The following SV2C variants were observed in gnomAD, a reference collection of about 807,000 sequenced individuals.
SV2C encodes solute carrier family 22 member B3.
SV2C carries 49 observed loss-of-function variants against 79.7 expected under a neutral mutation model. The ratio of observed to expected loss-of-function variants is 0.61; its 90% CI spans 0.49 to 0.78. The LOEUF (loss-of-function observed/expected upper bound fraction) is 0.78. SV2C is among the 30% of genes least tolerant of loss of function. The pLI is 0.00. For synonymous variants in SV2C, 334 were observed against 333.2 expected (o/e 1.00, Z -0.03); for missense variants, 833 against 912.9 (o/e 0.91, Z 1.13).
intron 1 of SV2C, among the ~76,000 whole-genome samples, chr5:76,090,862 G>A (rs1313662193): frequency 6.6e-6 from 1 of 152,190 alleles, no homozygotes; most frequent in African/African-American, 2.4e-5. Context: ...TTACCCAGCT[G>A]AGTCACGCAG....
chr5:76,149,260 T>C (rs1479245726), intron 2 of SV2C, among the ~76,000 whole-genome samples: 1 of 152,202 alleles, frequency 6.6e-6, no homozygotes. Flanking sequence ...GTGTATGTCT[T>C]ATGAGCATTC....
At chr5:75,924,156 A>G in the SV2C span, among the ~76,000 whole-genome samples, 1 of 152,200 alleles carries the variant, frequency 6.6e-6, no homozygotes, top group Non-Finnish European at 1.5e-5. Flanking sequence ...ATAACTCAGG[A>G]ATGGAAAACC....
At chr5:76,334,160 A>C (rs539130885), downstream of SV2C, among the ~76,000 whole-genome samples, 75 of 152,260 alleles carry the variant, frequency 4.9e-4, no homozygotes, top group African/African-American at 1.8e-3. Flanking sequence ...ACCAGTGGGA[A>C]GAATATGTTC....
At chr5:76,034,157 A>G in the SV2C span, among the ~76,000 whole-genome samples, 51 of 151,574 alleles carry the variant, frequency 3.4e-4, no homozygotes, top group South Asian at 6.3e-4. Context: ...GGCTGAGACA[A>G]TGGGGTTTTC....
chr5:76,043,111 C>T, the SV2C span, among the ~76,000 whole-genome samples: 7 of 152,118 alleles, frequency 4.6e-5, no homozygotes, highest in South Asian at 2.1e-4. Context: ...GAGACTTCCA[C>T]GCAATAACGA....
chr5:76,122,902 A>C (rs1278514704), intron 1 of SV2C, among the ~76,000 whole-genome samples: 1 of 152,200 alleles, frequency 6.6e-6, no homozygotes, highest in African/African-American at 2.4e-5. Context: ...ATACAAAAAA[A>C]ACCCTTCAAA....
chr5:75,954,063 G>A, the SV2C span, among the ~76,000 whole-genome samples: 1 of 151,952 alleles, frequency 6.6e-6, no homozygotes, highest in Non-Finnish European at 1.5e-5. Context: ...CTACTGCCAG[G>A]TGTAATTGAG....
the SV2C span, among the ~76,000 whole-genome samples, chr5:76,041,595 G>A: frequency 1.7e-3 from 262 of 152,228 alleles, 7 homozygotes; most frequent in East Asian, 0.049. Flanking sequence ...GGCTCCACAT[G>A]GACACACATA....
the SV2C span, among the ~76,000 whole-genome samples, chr5:75,916,680 G>GATCAGGC: frequency 6.6e-6 from 1 of 152,134 alleles, no homozygotes; most frequent in Non-Finnish European, 1.5e-5. Flanking sequence ...TCACCATGCT[G>GATCAGGC]ATCAGGCTGG....
In SV2C at chr5:76,175,371, G is replaced by T. The variant is rs557100667; in HGVS notation, c.581-19548G>T. 2.0e-5 allele frequency among the ~76,000 whole-genome samples: 3 copies of T among 152,266 alleles called. No homozygotes were observed. The East Asian group carries it at 5.8e-4, about 29-fold the overall frequency. On this transcript the variant is annotated intron_variant, in intron 2 of 12. Coordinates refer to ENST00000502798, the MANE Select transcript of SV2C (RefSeq NM_014979.4). ...TTTTACTCAAATGGCCCAGGGGTTA[G>T]GTATAATTCAATTAAAAAGGGAATT... is the stretch of plus-strand genomic sequence containing the variant.
the SV2C span, among the ~76,000 whole-genome samples, chr5:76,034,490 G>A: frequency 6.6e-6 from 1 of 152,260 alleles, no homozygotes; most frequent in Middle Eastern, 3.4e-3. Flanking sequence ...GGCCTTTTCT[G>A]CATCTGTTGA....
intron 2 of SV2C, among the ~76,000 whole-genome samples, chr5:76,144,719 A>C (rs1371206933): frequency 6.6e-6 from 1 of 152,246 alleles, no homozygotes; most frequent in Non-Finnish European, 1.5e-5. Flanking sequence ...TCAGAAGATG[A>C]GAACCTTTTA....
chr5:76,027,823 ATACTC>A, the SV2C span, among the ~76,000 whole-genome samples: 9 of 152,190 alleles, frequency 5.9e-5, no homozygotes, highest in Admixed American at 2.6e-4. Flanking sequence ...CACCCTCTGC[ATACTC>A]TACTCTGTGC....
intron 6 of SV2C, among the ~76,000 whole-genome samples, chr5:76,290,935 G>A (rs1747541457): frequency 6.6e-6 from 1 of 152,186 alleles, no homozygotes; most frequent in Non-Finnish European, 1.5e-5. Flanking sequence ...TGTCTCTGTA[G>A]TAATGGTTCA....
chr5:76,131,966 C>T lies in SV2C; in HGVS notation c.216C>T (p.Asp72=), dbSNP rs760204358. ...GETYNGEAND[D]EGSSEATEGH... ...CCTATAATGGTGAGGCCAACGATGA[C>T]GAAGGCTCAAGTGAAGCCACTGAGG... is the stretch of plus-strand genomic sequence containing the variant. Residue 72 remains aspartate, a synonymous_variant, in exon 2 of 13, where the codon GAC becomes GAT. Coordinates refer to ENST00000502798, the MANE Select transcript of SV2C (RefSeq NM_014979.4). 1.4e-5 allele frequency: 22 copies of T among 1,613,564 alleles called. No homozygotes were observed. Among genetic ancestry groups the T allele is most frequent in the South Asian group, 9.9e-5 (9 of 91,006 alleles).
chr5:76,337,272 C>T (rs769472012), downstream of SV2C, among the ~76,000 whole-genome samples: 10 of 152,074 alleles, frequency 6.6e-5, no homozygotes, highest in Non-Finnish European at 1.5e-4. Context: ...ATAGTCTTCC[C>T]TCTTTACATA....
intron 1 of SV2C, 57 bp from the exon 2 acceptor site, chr5:76,131,593 A>C: frequency 2.1e-6 from 1 of 473,144 alleles, no homozygotes; most frequent in Non-Finnish European, 3.6e-6. Context: ...AATAGACGGT[A>C]AAAAATATAT....
At chr5:76,033,584 T>C in the SV2C span, among the ~76,000 whole-genome samples, 1 of 152,210 alleles carries the variant, frequency 6.6e-6, no homozygotes, top group Non-Finnish European at 1.5e-5. Flanking sequence ...TTCTGAGGGC[T>C]CTGTTCTGTT....
chr5:76,212,403 G>A (rs1744791519), intron 4 of SV2C, among the ~76,000 whole-genome samples: 1 of 151,978 alleles, frequency 6.6e-6, no homozygotes, highest in Admixed American at 6.5e-5. Flanking sequence ...ACTACTCACA[G>A]AGGGCTCAAC....
Sources: allele counts gnomAD v4.1 joint callset (sites outside exome capture counted in the v4.1 genomes callset), GRCh38; gene constraint gnomAD v4.1.1; transcripts MANE v1.5; gene names NCBI Gene and HGNC (gene_info 2026-07-23, HGNC 2026-07-21).